The following SVIL variants were observed in gnomAD, a reference collection of about 807,000 sequenced individuals.
SVIL encodes archvillin.
SVIL carries 101 observed loss-of-function variants against 240.4 expected under a neutral mutation model. That is an observed-to-expected ratio of 0.42 (90% confidence interval 0.36 to 0.50). SVIL has a LOEUF of 0.50. SVIL is among the 20% of genes least tolerant of loss of function. SVIL has a pLI of 0.01. For synonymous variants in SVIL, 999 were observed against 1,100.0 expected, an observed-to-expected ratio of 0.91 and a Z score of 1.82; for missense variants, 2,512 against 2,818.7, an observed-to-expected ratio of 0.89 and a Z score of 2.46.
At chr10:29,703,795 G>T (rs920398519) in intron 1 of SVIL, among the ~76,000 whole-genome samples, 2 of 152,170 alleles carry the variant, frequency 1.3e-5, no homozygotes, top group Non-Finnish European at 2.9e-5. Flanking sequence ...CCTGTCAGGT[G>T]GGCTCTTGTT....
At chr10:29,549,524 A>G (rs1953027838) in intron 6 of SVIL, among the ~76,000 whole-genome samples, 1 of 143,008 alleles carries the variant, frequency 7.0e-6, no homozygotes, top group Admixed American at 7.1e-5. Context: ...ATTACTGGGT[A>G]TATACCCAAA....
Position 29,471,257 on chromosome 10 carries a change from CAG to C in SVIL, c.5530-16_5530-15del, listed in dbSNP as rs1564465871. ...GAGAACCTGGACCTTCCGATTTAAA[CAG>C]AGGTAAATAGGTAAGGGGCGCGGGG... On this transcript the variant is annotated splice_polypyrimidine_tract_variant and intron_variant, in intron 30 of 37. Coordinates refer to ENST00000355867, the MANE Select transcript of SVIL (RefSeq NM_021738.3). 1.2e-6 allele frequency: 2 copies of C among 1,601,668 alleles called. No homozygotes were observed. The highest frequency in any genetic ancestry group is 1.7e-6 in the Non-Finnish European group (2 of 1,170,826).
chr10:29,604,082 T>C (rs573764231), intron 1 of SVIL, among the ~76,000 whole-genome samples: 1 of 152,328 alleles, frequency 6.6e-6, no homozygotes, highest in East Asian at 1.9e-4. Flanking sequence ...TTTTTCAAGG[T>C]TGCAGTTATC....
At chr10:29,654,890 G>C (rs372392819) in intron 3 of SVIL, among the ~76,000 whole-genome samples, 14 of 152,066 alleles carry the variant, frequency 9.2e-5, no homozygotes, top group African/African-American at 2.9e-4. Context: ...AAGAAGTGTT[G>C]CAGCTCCAGC....
At chr10:29,560,388 G>C (rs986028340) in intron 3 of SVIL, among the ~76,000 whole-genome samples, 1 of 152,208 alleles carries the variant, frequency 6.6e-6, no homozygotes, top group Non-Finnish European at 1.5e-5. Context: ...GATGTGTGTT[G>C]TATCTTAATA....
intron 1 of SVIL, among the ~76,000 whole-genome samples, 176 bp downstream of exon 1, chr10:29,634,244 G>T (rs1412062801): frequency 6.6e-6 from 1 of 151,380 alleles, no homozygotes; most frequent in Non-Finnish European, 1.5e-5. Flanking sequence ...ATGCCCAAGG[G>T]TATCTACAGG....
At chr10:29,657,010 G>A (rs1755819510) in intron 3 of SVIL, among the ~76,000 whole-genome samples, 1 of 152,132 alleles carries the variant, frequency 6.6e-6, no homozygotes. Flanking sequence ...ACTATTATAA[G>A]CATCTTACAC....
At position 29,522,527 on chromosome 10, in the gene SVIL, T is replaced by A. The variant is rs1231341782; in HGVS notation, c.3272A>T (p.Gln1091Leu). The change falls in exon 16 of 38, where the codon CAG (glutamine) becomes CTG (leucine). Residue 1091 changes from glutamine to leucine, a missense_variant. By Grantham distance (113) the Gln-to-Leu change is moderately radical. Around this residue, in one of 3 missense-constraint regions of SVIL, gnomAD observed 1,443 missense variants for 1,486.6 expected, o/e 0.97. Coordinates refer to ENST00000355867, the MANE Select transcript of SVIL (RefSeq NM_021738.3). The part of the protein sequence containing the change: ...VSWKPQDSSE[Q>L]PQEKLCKNPC... Reference sequence around the variant, plus strand: ...ATTCTTGCAGAGCTTCTCCTGTGGCTGTTCCGAAGAATCCTGGGGCTTCCA... The same window carrying A: ...ATTCTTGCAGAGCTTCTCCTGTGGCAGTTCCGAAGAATCCTGGGGCTTCCA... The A allele has an allele frequency of 1.9e-6, 3 of 1,614,236 alleles. No homozygotes were observed. Among genetic ancestry groups the A allele is most frequent in the Non-Finnish European group, 2.5e-6 (3 of 1,180,026 alleles).
rs187438616 is a variant in SVIL, at chr10:29,500,828, A to G, written c.3517-1565T>C. 3.5e-3 allele frequency among the ~76,000 whole-genome samples: 532 copies of G among 152,098 alleles called. 7 individuals are homozygous for G. The South Asian group carries it at 0.045, about 13-fold the overall frequency. On this transcript the variant is annotated intron_variant, in intron 17 of 37. Coordinates refer to ENST00000355867, the MANE Select transcript of SVIL (RefSeq NM_021738.3). Reference sequence around the variant, plus strand: ...TTCCCCGATGCCTTTCCTCCTCACTATGGCAAACCACTTCCCTTCACTGAC... The same window carrying G: ...TTCCCCGATGCCTTTCCTCCTCACTGTGGCAAACCACTTCCCTTCACTGAC...
At chr10:29,479,487 C>T (rs1442967866) in intron 29 of SVIL, among the ~76,000 whole-genome samples, 1 of 152,194 alleles carries the variant, frequency 6.6e-6, no homozygotes, top group African/African-American at 2.4e-5. Context: ...GGCCACAGCC[C>T]GGCTCTGCAC....
upstream of SVIL, among the ~76,000 whole-genome samples, chr10:29,735,996 C>T (rs1308524967): frequency 4.6e-5 from 7 of 152,182 alleles, no homozygotes. The surrounding 1 kb of genome is among the most constrained non-coding windows in gnomAD (Gnocchi z 4.1). Context: ...GCGGGAGCAC[C>T]CTCGGACTGG....
At chr10:29,584,187 G>A (rs887499983) in intron 1 of SVIL, among the ~76,000 whole-genome samples, 2 of 152,236 alleles carry the variant, frequency 1.3e-5, no homozygotes, top group Non-Finnish European at 2.9e-5. Flanking sequence ...AGCGGACAGT[G>A]TGGGAGCTGG....
intron 3 of SVIL, among the ~76,000 whole-genome samples, chr10:29,642,463 GAAAGACC>G: frequency 2.0e-5 from 1 of 50,692 alleles, no homozygotes; most frequent in African/African-American, 9.5e-5. Flanking sequence ...AAGAAAGAAA[GAAAGACC>G]GACCCCTAAT....
chr10:29,622,965 T>A (rs1368558198), intron 1 of SVIL, among the ~76,000 whole-genome samples: 1 of 152,162 alleles, frequency 6.6e-6, no homozygotes, highest in East Asian at 1.9e-4. Flanking sequence ...AATGAACATT[T>A]TATGTTTTCG....
At chr10:29,680,483 C>T (rs1159242770) in intron 2 of SVIL, among the ~76,000 whole-genome samples, 1 of 152,188 alleles carries the variant, frequency 6.6e-6, no homozygotes, top group Non-Finnish European at 1.5e-5. Flanking sequence ...GGCAGGGGGC[C>T]GTGGGATGGG....
intron 2 of SVIL, among the ~76,000 whole-genome samples, chr10:29,679,798 G>T (rs1960490071): frequency 6.6e-6 from 1 of 150,968 alleles, no homozygotes; most frequent in Non-Finnish European, 1.5e-5. Flanking sequence ...CTTTACAGAA[G>T]TTCGTTTACA....
At chr10:29,589,986 T>C (rs1415928069) in intron 1 of SVIL, among the ~76,000 whole-genome samples, 3 of 151,624 alleles carry the variant, frequency 2.0e-5, no homozygotes, top group African/African-American at 7.3e-5. Context: ...GCCAAGATGG[T>C]GAAACCCCGT....
intron 1 of SVIL, among the ~76,000 whole-genome samples, chr10:29,589,648 G>A (rs2132797041): frequency 6.6e-6 from 1 of 152,210 alleles, no homozygotes. Flanking sequence ...AACGAGGTGA[G>A]ACAATTTAGC....
intron 16 of SVIL, among the ~76,000 whole-genome samples, chr10:29,520,270 A>T (rs949368478): frequency 1.6e-4 from 25 of 152,166 alleles, no homozygotes; most frequent in African/African-American, 6.0e-4. Flanking sequence ...TGTATAAGTG[A>T]TATTTATTGT....
Sources: allele counts gnomAD v4.1 joint callset (sites outside exome capture counted in the v4.1 genomes callset), GRCh38; gene constraint gnomAD v4.1.1; regional missense constraint gnomAD v4.1.1; non-coding constraint Gnocchi (gnomAD v3.1); transcripts MANE v1.5; gene names NCBI Gene and HGNC (gene_info 2026-07-23, HGNC 2026-07-21).